Variants in CCDC102B observed in about 807,000 individuals in gnomAD.
CCDC102B encodes coiled-coil domain-containing protein 102B.
A neutral mutation model predicts 57.4 loss-of-function variants in CCDC102B; 75 were observed. The observed-to-expected ratio is 1.31, with a 90% CI of 1.08 to 1.58. The LOEUF is 1.58. CCDC102B is among the 40% of genes most tolerant of loss of function. The pLI, the probability that CCDC102B is intolerant of heterozygous loss-of-function variation, is 0.00. For missense variants in CCDC102B, 636 were observed against 582.6 expected, an observed-to-expected ratio of 1.09 and a Z score of -0.94; for synonymous variants, 206 against 201.9, an observed-to-expected ratio of 1.02 and a Z score of -0.17.
At chr18:68,931,885 G>C (rs1160628008) in intron 6 of CCDC102B, among the ~76,000 whole-genome samples, 1 of 151,936 alleles carries the variant, frequency 6.6e-6, no homozygotes, top group East Asian at 1.9e-4. Context: ...CTAGGAACAA[G>C]AGGAATATTG....
chr18:68,897,418 A>T lies in CCDC102B; in HGVS notation c.1253A>T (p.Glu418Val). The part of the protein sequence containing the change: ...DFKMSQIDLQ[E>V]KNQELLNLQH... The stretch of plus-strand genomic sequence containing the variant: ...AAGATGTCACAAATTGATCTGCAAG[A>T]AAAAAACCAGGTATGGGTGCTCCTT... Residue 418 changes from glutamate to valine, a missense_variant, in exon 6 of 8, where the codon GAA becomes GTA. Coordinates refer to ENST00000360242, the MANE Select transcript of CCDC102B (RefSeq NM_024781.3). The T allele has an allele frequency of 6.2e-7, 1 of 1,610,540 alleles. No homozygotes were observed. Among genetic ancestry groups the T allele is most frequent in the Non-Finnish European group, 8.5e-7 (1 of 1,178,390 alleles).
intron 6 of CCDC102B, chr18:68,992,911 T>C: frequency 5.7e-6 from 1 of 175,554 alleles, no homozygotes; most frequent in Non-Finnish European, 1.3e-5. Context: ...GTGAGGTTCA[T>C]GCCCTTGCAG....
At chr18:68,742,448 T>G (rs1260126477) in intron 2 of CCDC102B, among the ~76,000 whole-genome samples, 2 of 152,238 alleles carry the variant, frequency 1.3e-5, no homozygotes, top group Admixed American at 1.3e-4. Context: ...TGGGTTAGGA[T>G]GTCAGCATAT....
intron 4 of CCDC102B, among the ~76,000 whole-genome samples, chr18:68,859,807 T>C (rs1419874995): frequency 3.0e-4 from 18 of 60,082 alleles, no homozygotes; most frequent in African/African-American, 8.1e-4. Context: ...AAACAACAGG[T>C]GCTGGAGAGG....
chr18:69,004,932 T>A (rs1199196139), intron 6 of CCDC102B, among the ~76,000 whole-genome samples: 1 of 152,196 alleles, frequency 6.6e-6, no homozygotes, highest in Non-Finnish European at 1.5e-5. Context: ...TTAAGACGGA[T>A]AAAATGCTCT....
downstream of CCDC102B, among the ~76,000 whole-genome samples, chr18:69,056,643 A>AGATAGATG (rs1407192653): frequency 0.078 from 11,511 of 146,686 alleles, 528 homozygotes; most frequent in Non-Finnish European, 0.097. Flanking sequence ...GATAATAGAT[A>AGATAGATG]GATAGATAGA....
Position 68,838,827 on chromosome 18 carries a change from T to A in CCDC102B, c.728T>A (p.Leu243Gln). The change falls in exon 3 of 8, where the codon CTG (leucine) becomes CAG (glutamine). Residue 243 changes from leucine to glutamine, a missense_variant. Physicochemically the swap from Leu to Gln is moderately radical, Grantham distance 113. Coordinates refer to ENST00000360242, the MANE Select transcript of CCDC102B (RefSeq NM_024781.3). ...GGTGAAACGAAAACTGGGCTGAGAC[T>A]GAAAGCAATAAATCTGCCTTTGGAA... Reference protein sequence around the residue: ...GNGETKTGLRLKAINLPLENE... With the variant: ...GNGETKTGLRQKAINLPLENE... 6.2e-7 allele frequency: 1 copy of A among 1,614,012 alleles called. No individual in the cohort carries two copies. The highest frequency in any genetic ancestry group is 8.5e-7 in the Non-Finnish European group (1 of 1,179,958).
chr18:68,806,206 A>G (rs1310622291), intron 1 of CCDC102B, among the ~76,000 whole-genome samples: 1 of 152,182 alleles, frequency 6.6e-6, no homozygotes, highest in East Asian at 1.9e-4. Context: ...TTTAAAATTA[A>G]TAATTATTTT....
At chr18:68,880,178 A>G (rs932466293) in intron 5 of CCDC102B, among the ~76,000 whole-genome samples, 9 of 152,202 alleles carry the variant, frequency 5.9e-5, no homozygotes, top group Admixed American at 1.3e-4. Flanking sequence ...AATCGAGCGC[A>G]GCGCCGGTGG....
At chr18:68,867,723 A>G (rs1009784152) in intron 4 of CCDC102B, among the ~76,000 whole-genome samples, 24 of 151,960 alleles carry the variant, frequency 1.6e-4, no homozygotes, top group Non-Finnish European at 2.8e-4. Context: ...TCACAAGGTC[A>G]GGAGATCGAC....
intron 7 of CCDC102B, among the ~76,000 whole-genome samples, chr18:69,023,528 T>C (rs116386643): frequency 0.017 from 2,646 of 151,670 alleles, 82 homozygotes; most frequent in African/African-American, 0.06. Flanking sequence ...ATCATATAAA[T>C]GCTGAGTGCT....
intron 6 of CCDC102B, among the ~76,000 whole-genome samples, chr18:68,944,014 G>A (rs2049462696): frequency 6.6e-6 from 1 of 152,084 alleles, no homozygotes; most frequent in South Asian, 2.1e-4. Flanking sequence ...AGGGACTCAA[G>A]GCTTTATGTT....
chr18:68,800,109 T>A (rs936719780), intron 1 of CCDC102B, among the ~76,000 whole-genome samples: 4 of 152,172 alleles, frequency 2.6e-5, no homozygotes, highest in African/African-American at 9.7e-5. Flanking sequence ...ATGAACATTA[T>A]TTTACACATT....
chr18:69,038,302 G>A (rs958944752), intron 7 of CCDC102B, among the ~76,000 whole-genome samples: 3 of 151,206 alleles, frequency 2.0e-5, no homozygotes, highest in African/African-American at 7.3e-5. Flanking sequence ...TAACCATTTA[G>A]GTTAACTTGA....
upstream of CCDC102B, among the ~76,000 whole-genome samples, chr18:68,794,932 C>A (rs2035579193): frequency 6.7e-6 from 1 of 148,462 alleles, no homozygotes. Flanking sequence ...CTGTGTGGGG[C>A]AAAAAGAGCC....
intron 7 of CCDC102B, 145 bp downstream of exon 7, chr18:69,011,249 T>A: frequency 1.4e-6 from 1 of 737,012 alleles, no homozygotes; most frequent in Non-Finnish European, 2.1e-6. Flanking sequence ...TTAAAAAGAG[T>A]AAGGAAATAA....
chr18:68,768,726 A>G (rs1321056889), intron 2 of CCDC102B, among the ~76,000 whole-genome samples: 6 of 151,848 alleles, frequency 4.0e-5, no homozygotes, highest in Admixed American at 6.6e-5. Flanking sequence ...TTAAAACTAT[A>G]TAAATAGATA....
chr18:69,040,680 G>T (rs1166410290), intron 7 of CCDC102B, among the ~76,000 whole-genome samples: 1 of 151,704 alleles, frequency 6.6e-6, no homozygotes, highest in Non-Finnish European at 1.5e-5. Flanking sequence ...TGATAAGCAG[G>T]GTTTAAAATA....
intron 6 of CCDC102B, 162 bp downstream of exon 6, chr18:68,897,590 C>G: frequency 6.4e-7 from 1 of 1,573,712 alleles, no homozygotes; most frequent in South Asian, 1.1e-5. Flanking sequence ...TGTAAAATAA[C>G]GTTCATGCAT....
Sources: allele counts gnomAD v4.1 joint callset (sites outside exome capture counted in the v4.1 genomes callset), GRCh38; gene constraint gnomAD v4.1.1; transcripts MANE v1.5; gene names NCBI Gene and HGNC (gene_info 2026-07-23, HGNC 2026-07-21).